Variants in CRIPT observed in about 807,000 individuals in gnomAD.
CRIPT encodes CXXC repeat containing interactor of PDZ3 domain.
A neutral mutation model predicts 16.6 loss-of-function variants in CRIPT; 20 were observed. That is an observed-to-expected ratio of 1.20 (90% confidence interval 0.85 to 1.75). CRIPT has a LOEUF of 1.75. CRIPT is among the 40% of genes most tolerant of loss of function. CRIPT has a pLI of 0.00. For synonymous variants in CRIPT, 42 were observed against 37.0 expected, an observed-to-expected ratio of 1.14 and a Z score of -0.49; for missense variants, 133 against 115.3, an observed-to-expected ratio of 1.15 and a Z score of -0.70.
Position 46,617,256 on chromosome 2 carries a change from C to G in CRIPT, c.-27C>G, listed in dbSNP as rs376513299. On this transcript the variant is annotated 5_prime_UTR_variant, in exon 1 of 5. Coordinates refer to ENST00000238892, the MANE Select transcript of CRIPT (RefSeq NM_014171.6). ...CAGCCTGCTGCTGCTGCTGCTGTTG[C>G]GGCTAGGGGAACCGTCGTGGGGAAG... 2 of 1,553,698 alleles carry G rather than the reference C, an allele frequency of 1.3e-6. No individual in the cohort carries two copies. Among genetic ancestry groups the G allele is most frequent in the African/African-American group, 1.4e-5 (1 of 73,488 alleles).
rs76284670 is a variant in CRIPT at position 46,620,290 on chromosome 2, C to T, written c.137+609C>T. 3.9e-3 allele frequency among the ~76,000 whole-genome samples: 599 copies of T among 152,126 alleles called. 4 individuals are homozygous for T. Among genetic ancestry groups the T allele is most frequent in the African/African-American group, 0.014 (568 of 41,506 alleles). On this transcript the variant is annotated intron_variant, in intron 3 of 4. Transcript: ENST00000238892. ...ATGTGAAACCCTGTCCTACAAAGGACAGAAAAATTAACTGGGTGTGGCAGC... is the reference window on the plus strand; with the variant it reads ...ATGTGAAACCCTGTCCTACAAAGGATAGAAAAATTAACTGGGTGTGGCAGC...
intron 3 of CRIPT, among the ~76,000 whole-genome samples, chr2:46,623,378 A>T (rs540345638): frequency 1.3e-5 from 2 of 152,188 alleles, no homozygotes; most frequent in Non-Finnish European, 2.9e-5. Context: ...TACCTAATTC[A>T]ATAGCAATTC....
chr2:46,624,927 T>G lies in CRIPT; in HGVS notation c.*700T>G, dbSNP rs188293300. The stretch of plus-strand genomic sequence containing the variant: ...CAGAACAGTGTTTGTCCATGTTGCA[T>G]GTAATGAAAATAAATCCCTGCTCTG... On this transcript the variant is annotated 3_prime_UTR_variant, in exon 5 of 5. Coordinates refer to ENST00000238892, the MANE Select transcript of CRIPT (RefSeq NM_014171.6). 1 of 151,640 alleles carries G rather than the reference T, an allele frequency of 6.6e-6. No homozygotes were observed. Among genetic ancestry groups the G allele is most frequent in the Non-Finnish European group, 1.5e-5 (1 of 67,972 alleles). 9.4% of individuals were successfully genotyped at this position (151,640 alleles called of 1,614,324 possible).
rs1429119632 is a variant in CRIPT at position 46,625,165 on chromosome 2, G to A, written c.*938G>A. The A allele has an allele frequency of 6.7e-6, 1 of 148,616 alleles. No individual in the cohort carries two copies. Among genetic ancestry groups the A allele is most frequent in the Non-Finnish European group, 1.5e-5 (1 of 67,634 alleles). 9.2% of individuals were successfully genotyped at this position (148,616 alleles called of 1,614,324 possible). On this transcript the variant is annotated 3_prime_UTR_variant, in exon 5 of 5. Transcript: ENST00000238892. Reference sequence around the variant, plus strand: ...AGGCTCTCTGCAGCCTCCATCTGCTGGGCTCAAGCAATTCTTCCCCCTCAG... The same window carrying A: ...AGGCTCTCTGCAGCCTCCATCTGCTAGGCTCAAGCAATTCTTCCCCCTCAG...
Position 46,624,901 on chromosome 2 carries a change from C to T in CRIPT, c.*674C>T. 1 of 151,732 alleles carries T rather than the reference C, an allele frequency of 6.6e-6. No individual in the cohort carries two copies. The highest frequency in any genetic ancestry group is 1.5e-5 in the Non-Finnish European group (1 of 67,998). 9.4% of individuals were successfully genotyped at this position (151,732 alleles called of 1,614,324 possible). ...CTTTGAATTCAAATTGTCATGAAAACCAGAACAGTGTTTGTCCATGTTGCA... is the reference window on the plus strand; with the variant it reads ...CTTTGAATTCAAATTGTCATGAAAATCAGAACAGTGTTTGTCCATGTTGCA... On this transcript the variant is annotated 3_prime_UTR_variant, in exon 5 of 5. Transcript: ENST00000238892.
intron 2 of CRIPT, 35 bp from the exon 3 acceptor site, chr2:46,619,592 A>G: frequency 3.4e-6 from 5 of 1,464,944 alleles, no homozygotes; most frequent in Non-Finnish European, 4.7e-6. Context: ...AATGTATAGA[A>G]ATAACCCACT....
At position 46,627,354 on chromosome 2, in the gene CRIPT, G is replaced by A. The variant is rs773902486; in HGVS notation, c.*3127G>A. ...TGCAATTGCTTTTGAGGACTTAGCC[G>A]TAAGTTCTTTCCCATAGCTGATGTC... On this transcript the variant is annotated 3_prime_UTR_variant, in exon 5 of 5. Coordinates refer to ENST00000238892, the MANE Select transcript of CRIPT (RefSeq NM_014171.6). 8.6e-5 allele frequency among the ~76,000 whole-genome samples: 13 copies of A among 151,784 alleles called. No individual in the cohort carries two copies. Among genetic ancestry groups the A allele is most frequent in the Non-Finnish European group, 1.9e-4 (13 of 67,968 alleles).
Position 46,624,356 on chromosome 2 carries a change from T to C in CRIPT, c.*129T>C, listed in dbSNP as rs1572796518. ...AGTTTAAACCAGAGAATTTGATTGT[T>C]ACTCATTTTGCTCTCATGTTCTAAA... is the stretch of plus-strand genomic sequence containing the variant. On this transcript the variant is annotated 3_prime_UTR_variant, in exon 5 of 5. Coordinates refer to ENST00000238892, the MANE Select transcript of CRIPT (RefSeq NM_014171.6). 1 of 504,650 alleles carries C rather than the reference T, an allele frequency of 2.0e-6. No individual in the cohort carries two copies. The highest frequency in any genetic ancestry group is 3.3e-6 in the Non-Finnish European group (1 of 303,060). The allele number at this position is 504,650 out of a possible 1,614,324, so 31.3% of individuals were successfully genotyped here.
Position 46,617,235 on chromosome 2 carries a change from C to T in CRIPT, c.-48C>T, listed in dbSNP as rs970915260. ...AAGTTGTAGTGTTGTTGTTTTCAGCCTGCTGCTGCTGCTGCTGTTGCGGCT... is the reference window on the plus strand; with the variant it reads ...AAGTTGTAGTGTTGTTGTTTTCAGCTTGCTGCTGCTGCTGCTGTTGCGGCT... On this transcript the variant is annotated 5_prime_UTR_variant, in exon 1 of 5. Transcript: ENST00000238892. The T allele has an allele frequency of 5.9e-6, 8 of 1,346,574 alleles. No individual in the cohort carries two copies. Among genetic ancestry groups the T allele is most frequent in the African/African-American group, 1.5e-5 (1 of 66,994 alleles). 83.4% of individuals were successfully genotyped at this position (1,346,574 alleles called of 1,614,324 possible). A position where few individuals can be genotyped will look rare whatever the true frequency, so the allele number is the denominator to read the frequency against.
rs563763936 is a variant in CRIPT, at chr2:46,620,045, C to A, written c.137+364C>A. 2.6e-5 allele frequency among the ~76,000 whole-genome samples: 4 copies of A among 152,286 alleles called. No homozygotes were observed. In the East Asian group the frequency reaches 7.7e-4, roughly 29 times the overall value. ...CACTGTCTAGCCTTATGACCTTAAG[C>A]AAGTTAAGCATGTTTCGTGACCTTT... On this transcript the variant is annotated intron_variant, in intron 3 of 4. Coordinates refer to ENST00000238892, the MANE Select transcript of CRIPT (RefSeq NM_014171.6).
At position 46,625,554 on chromosome 2, in the gene CRIPT, G is replaced by A. The variant is rs1670918993; in HGVS notation, c.*1327G>A. 6.6e-6 allele frequency: 1 copy of A among 151,926 alleles called. No individual in the cohort carries two copies. The highest frequency in any genetic ancestry group is 2.4e-5 in the African/African-American group (1 of 41,354). 9.4% of individuals were successfully genotyped at this position (151,926 alleles called of 1,614,324 possible). A position where few individuals can be genotyped will look rare whatever the true frequency, so the allele number is the denominator to read the frequency against. ...GTATAAATACATATCACTACAAAATGTATAGAAAGTGTGATGAGATACATG... is the reference window on the plus strand; with the variant it reads ...GTATAAATACATATCACTACAAAATATATAGAAAGTGTGATGAGATACATG... On this transcript the variant is annotated 3_prime_UTR_variant, in exon 5 of 5. Coordinates refer to ENST00000238892, the MANE Select transcript of CRIPT (RefSeq NM_014171.6).
At chr2:46,617,321 C>T (rs779932571) in intron 1 of CRIPT, 23 bp downstream of exon 1, 2 of 1,552,730 alleles carry the variant, frequency 1.3e-6, no homozygotes, top group East Asian at 2.4e-5. Flanking sequence ...GCCGCTTCTG[C>T]GGGAGGAGGA....
intron 1 of CRIPT, among the ~76,000 whole-genome samples, chr2:46,617,856 A>G (rs941744133): frequency 1.1e-4 from 17 of 151,982 alleles, no homozygotes; most frequent in African/African-American, 3.6e-4. Context: ...TGGGGATTCT[A>G]TATTTGGAAC....
rs1558720170 is a variant in CRIPT at position 46,625,769 on chromosome 2, T to G, written c.*1542T>G. On this transcript the variant is annotated 3_prime_UTR_variant, in exon 5 of 5. Coordinates refer to ENST00000238892, the MANE Select transcript of CRIPT (RefSeq NM_014171.6). ...GAAGTATCCTCTCATGCTTAATCAG[T>G]TTGGGGTTTTTAATTATAACACAGG... 3 of 152,022 alleles carry G rather than the reference T, an allele frequency of 2.0e-5. No individual in the cohort carries two copies. The highest frequency in any genetic ancestry group is 2.9e-5 in the Non-Finnish European group (2 of 68,010). 9.4% of individuals were successfully genotyped at this position (152,022 alleles called of 1,614,324 possible).
rs1231810134 is a variant in CRIPT, at chr2:46,628,559, C to G, written c.*4332C>G. 6.6e-6 allele frequency among the ~76,000 whole-genome samples: 1 copy of G among 152,170 alleles called. No homozygotes were observed. The highest frequency in any genetic ancestry group is 1.5e-5 in the Non-Finnish European group (1 of 68,034). On this transcript the variant is annotated 3_prime_UTR_variant, in exon 5 of 5. Coordinates refer to ENST00000238892, the MANE Select transcript of CRIPT (RefSeq NM_014171.6). ...ATGTTTTTCCATTTGTTTGTGTCAT[C>G]TCTGATTTCTTTCAGCGTGTTTTGT...
At chr2:46,618,867 T>A in intron 2 of CRIPT, 29 bp downstream of exon 2, 1 of 1,349,378 alleles carries the variant, frequency 7.4e-7, no homozygotes, top group Non-Finnish European at 1.1e-6. Flanking sequence ...AATAGGAATT[T>A]AACCGAATAC....
intron 3 of CRIPT, 133 bp downstream of exon 3, chr2:46,619,814 A>G (rs1264077173): frequency 1.6e-6 from 1 of 615,046 alleles, no homozygotes; most frequent in Non-Finnish European, 2.9e-6. Context: ...CTCAGAACCA[A>G]GCTATCTGTT....
intron 1 of CRIPT, among the ~76,000 whole-genome samples, chr2:46,618,436 C>G (rs1670721134): frequency 6.6e-6 from 1 of 152,156 alleles, no homozygotes; most frequent in Non-Finnish European, 1.5e-5. Flanking sequence ...GTGTCTGATT[C>G]ATCACTTCAT....
rs1670905397 is a variant in CRIPT, at chr2:46,625,145, C to T, written c.*918C>T. 1 of 145,230 alleles carries T rather than the reference C, an allele frequency of 6.9e-6. No individual in the cohort carries two copies. Among genetic ancestry groups the T allele is most frequent in the African/African-American group, 2.6e-5 (1 of 38,084 alleles). 9.0% of individuals were successfully genotyped at this position (145,230 alleles called of 1,614,324 possible). ...TGGAGTGCAGAGGTATCATCAGGCT[C>T]TCTGCAGCCTCCATCTGCTGGGCTC... On this transcript the variant is annotated 3_prime_UTR_variant, in exon 5 of 5. Transcript: ENST00000238892.
Sources: allele counts gnomAD v4.1 joint callset (sites outside exome capture counted in the v4.1 genomes callset), GRCh38; gene constraint gnomAD v4.1.1; transcripts MANE v1.5; gene names NCBI Gene and HGNC (gene_info 2026-07-23, HGNC 2026-07-21).